Variants in PTPN21 observed in about 807,000 individuals in gnomAD.
The protein encoded by PTPN21 is protein tyrosine phosphatase non-receptor type 21.
A neutral mutation model predicts 131.8 loss-of-function variants in PTPN21; 77 were observed. The observed-to-expected ratio is 0.58, with a 90% CI of 0.49 to 0.71. The LOEUF is 0.71. Among genes scored for constraint, PTPN21 ranks in the 30% least tolerant of loss-of-function variants. PTPN21 has a pLI of 0.00. For synonymous variants in PTPN21, 715 were observed against 621.3 expected (o/e 1.15, Z -2.24); for missense variants, 1,552 against 1,527.1 (o/e 1.02, Z -0.27).
At chr14:88,508,951 T>G (rs1486473792) in intron 3 of PTPN21, among the ~76,000 whole-genome samples, 2 of 152,186 alleles carry the variant, frequency 1.3e-5, no homozygotes, top group East Asian at 3.8e-4. Context: ...ACTCTCCAAA[T>G]TAGTATTCTG....
At chr14:88,488,452 T>C (rs2077769673) in intron 10 of PTPN21, among the ~76,000 whole-genome samples, 1 of 152,172 alleles carries the variant, frequency 6.6e-6, no homozygotes, top group African/African-American at 2.4e-5. Context: ...TCTAATAGTC[T>C]AACCTTCTCT....
At chr14:88,509,045 G>A (rs2078139871) in intron 3 of PTPN21, among the ~76,000 whole-genome samples, 1 of 152,094 alleles carries the variant, frequency 6.6e-6, no homozygotes, top group Non-Finnish European at 1.5e-5. Flanking sequence ...TCACAGGACT[G>A]AACATACTCA....
chr14:88,486,196 G>A (rs148792319), intron 10 of PTPN21, among the ~76,000 whole-genome samples: 5 of 152,274 alleles, frequency 3.3e-5, no homozygotes, highest in African/African-American at 1.2e-4. Context: ...CACACTTGTC[G>A]CAGGAGAAGC....
At chr14:88,493,477 G>A (rs1055154084) in intron 10 of PTPN21, among the ~76,000 whole-genome samples, 6 of 152,212 alleles carry the variant, frequency 3.9e-5, no homozygotes, top group African/African-American at 1.4e-4. Context: ...GGCCAACTGG[G>A]CTGGGGCAGC....
At position 88,519,840 on chromosome 14, in the gene PTPN21, A is replaced by G. The variant is rs75458903; in HGVS notation, c.181-2579T>C. On this transcript the variant is annotated intron_variant, in intron 2 of 18. Coordinates refer to ENST00000556564, the MANE Select transcript of PTPN21 (RefSeq NM_007039.4). ...CACACAAGAATGGAATATTTTGAAC[A>G]TTTCCTATGTGCCAGGTTGTATTCC... 2.7e-3 allele frequency among the ~76,000 whole-genome samples: 408 copies of G among 152,280 alleles called. 18 individuals carry two copies. In the East Asian group the frequency reaches 0.071, roughly 26 times the overall value.
chr14:88,470,160 A>G (rs2077437901), intron 15 of PTPN21, 110 bp from the exon 16 acceptor site: 1 of 990,246 alleles, frequency 1.0e-6, no homozygotes, highest in Non-Finnish European at 1.5e-6. Context: ...AGTAAAAAGT[A>G]AAAAAGTAGT....
Position 88,479,063 on chromosome 14 carries a change from C to T in PTPN21, c.2368G>A (p.Gly790Arg), listed in dbSNP as rs3825676. ...TAEAQRPWRDGLLMPSMSESD... is the reference protein window; with the variant it reads ...TAEAQRPWRDRLLMPSMSESD... The stretch of plus-strand genomic sequence containing the variant: ...TCCGACATGGAGGGCATCAGCAGCC[C>T]GTCTCTCCAGGGCCGCTGGGCCTCT... The change falls in exon 13 of 19, where the codon GGG becomes AGG. Residue 790 changes from glycine (G) to arginine (R), a missense_variant. Physicochemically the swap from Gly to Arg is moderately radical, Grantham distance 125. Transcript: ENST00000556564. The T allele has an allele frequency of 6.2e-7, 1 of 1,606,548 alleles. No homozygotes were observed. The highest frequency in any genetic ancestry group is 8.5e-7 in the Non-Finnish European group (1 of 1,177,216).
intron 13 of PTPN21, among the ~76,000 whole-genome samples, chr14:88,477,527 ATC>A (rs2077566287): frequency 6.6e-6 from 1 of 150,932 alleles, no homozygotes; most frequent in African/African-American, 2.4e-5. Flanking sequence ...ATGTACATTA[ATC>A]TCTTTCATAA....
intron 2 of PTPN21, among the ~76,000 whole-genome samples, chr14:88,536,867 C>T (rs895881073): frequency 1.3e-5 from 2 of 152,074 alleles, no homozygotes; most frequent in East Asian, 3.9e-4. Flanking sequence ...AAGTCTATCC[C>T]GGGAAGAGAT....
chr14:88,486,783 C>T (rs1356855552), intron 10 of PTPN21, among the ~76,000 whole-genome samples: 1 of 152,014 alleles, frequency 6.6e-6, no homozygotes, highest in Non-Finnish European at 1.5e-5. Context: ...TCGAGACCAC[C>T]TGGCCAACAT....
intron 2 of PTPN21, among the ~76,000 whole-genome samples, chr14:88,528,001 C>T (rs139065053): frequency 5.3e-4 from 80 of 152,172 alleles, no homozygotes; most frequent in Non-Finnish European, 1.0e-3. Flanking sequence ...CTATTCTGTT[C>T]CATTGACCTA....
At chr14:88,531,970 A>G (rs970799933) in intron 2 of PTPN21, among the ~76,000 whole-genome samples, 6 of 152,196 alleles carry the variant, frequency 3.9e-5, no homozygotes, top group African/African-American at 1.4e-4. Context: ...GTCTACTATG[A>G]ACGCCTTTGC....
At chr14:88,493,000 C>T in intron 10 of PTPN21, 1 of 428,952 alleles carries the variant, frequency 2.3e-6, no homozygotes, top group Non-Finnish European at 4.6e-6. Flanking sequence ...AAAAAGCAGG[C>T]AGGAACTACT....
intron 6 of PTPN21, 84 bp downstream of exon 6, chr14:88,504,341 G>A (rs997297222): frequency 7.2e-6 from 8 of 1,104,506 alleles, no homozygotes; most frequent in African/African-American, 1.6e-5. Context: ...TATTAATCAT[G>A]TAAATTAAAT....
At chr14:88,541,970 G>A (rs940897186) in intron 2 of PTPN21, among the ~76,000 whole-genome samples, 9 of 152,160 alleles carry the variant, frequency 5.9e-5, no homozygotes, top group Non-Finnish European at 1.3e-4. Flanking sequence ...GGACTTGGGG[G>A]AGAGAGTGGC....
intron 3 of PTPN21, among the ~76,000 whole-genome samples, chr14:88,514,756 G>A (rs929870258): frequency 2.6e-5 from 4 of 151,230 alleles, no homozygotes; most frequent in Non-Finnish European, 4.4e-5. Flanking sequence ...GAGCCACCAC[G>A]CCTGGCCCTC....
chr14:88,498,489 C>A (rs17203698), intron 8 of PTPN21, among the ~76,000 whole-genome samples: 5,051 of 152,228 alleles, frequency 0.033, 132 homozygotes, highest in Admixed American at 0.057. Context: ...GCCAATGCCC[C>A]ATTTATTCAT....
At position 88,497,224 on chromosome 14, in the gene PTPN21, CTCTT is replaced by C. The variant is rs1444609935; in HGVS notation, c.827_830del (p.Lys276ArgfsTer30). 6 of 1,610,986 alleles carry C rather than the reference CTCTT, an allele frequency of 3.7e-6. No homozygotes were observed. Among genetic ancestry groups the C allele is most frequent in the Non-Finnish European group, 3.4e-6 (4 of 1,177,188 alleles). On this transcript the variant is annotated frameshift_variant, in exon 9 of 19. Coordinates refer to ENST00000556564, the MANE Select transcript of PTPN21 (RefSeq NM_007039.4). LOFTEE classifies it high-confidence loss of function. The stretch of plus-strand genomic sequence containing the variant: ...TCACAGTTTGAAATTGAATGGTCTC[CTCTT>C]TATTTGCCAGCTCTAATGCAAAAAA...
At chr14:88,516,050 A>C (rs2078263639) in intron 3 of PTPN21, among the ~76,000 whole-genome samples, 2 of 152,220 alleles carry the variant, frequency 1.3e-5, no homozygotes, top group Non-Finnish European at 2.9e-5. Context: ...ATGGGACAGT[A>C]CCAGGTTCTT....
Sources: allele counts gnomAD v4.1 joint callset (sites outside exome capture counted in the v4.1 genomes callset), GRCh38; gene constraint gnomAD v4.1.1; transcripts MANE v1.5; gene names NCBI Gene and HGNC (gene_info 2026-07-23, HGNC 2026-07-21).